Variants in ZNF500 observed in about 807,000 individuals in gnomAD.
ZNF500 encodes the protein zinc finger protein with KRAB and SCAN domains 18.
Under a neutral mutation model 30.1 loss-of-function variants are expected in ZNF500, and 31 were observed. That is an observed-to-expected ratio of 1.03 (90% CI 0.77 to 1.39). The LOEUF (loss-of-function observed/expected upper bound fraction) is 1.39, where lower values mean the gene tolerates loss of function less well. Ranked by LOEUF, ZNF500 falls within the 40% of genes most tolerant of loss-of-function variation. ZNF500 has a pLI of 0.00. For synonymous variants in ZNF500, 392 were observed against 282.0 expected, an observed-to-expected ratio of 1.39 and a Z score of -3.91; for missense variants, 817 against 657.8, an observed-to-expected ratio of 1.24 and a Z score of -2.65.
Position 4,751,737 on chromosome 16 carries a change from G to A in ZNF500, c.*639C>T, listed in dbSNP as rs1248663776. 9 of 1,217,112 alleles carry A rather than the reference G, an allele frequency of 7.4e-6. No individual in the cohort carries two copies. In the South Asian group the frequency reaches 1.2e-4, roughly 16 times the overall value. 75.4% of individuals were successfully genotyped at this position (1,217,112 alleles called of 1,614,324 possible). A position where few individuals can be genotyped will look rare whatever the true frequency, so the allele number is the denominator to read the frequency against. On this transcript the variant is annotated 3_prime_UTR_variant, in exon 6 of 6. Transcript: ENST00000219478. ...TGTATTGGGGGACCCTAAACCCAGT[G>A]AGTGGTGGCCCTACCAAAAAAGAGA...
intron 4 of ZNF500, among the ~76,000 whole-genome samples, chr16:4,761,855 C>G (rs1190669621): frequency 4.1e-5 from 6 of 144,928 alleles, no homozygotes; most frequent in Admixed American, 4.0e-4. Flanking sequence ...GACTTTGGCT[C>G]AAAACAAACA....
downstream of ZNF500, chr16:4,747,257 C>T (rs2082029418): frequency 1.4e-6 from 2 of 1,444,560 alleles, no homozygotes; most frequent in East Asian, 2.3e-5. Flanking sequence ...GAGCTGGGCT[C>T]ATCTGCTTTT....
chr16:4,755,571 C>A (rs1187523398), intron 5 of ZNF500, among the ~76,000 whole-genome samples: 1 of 152,138 alleles, frequency 6.6e-6, no homozygotes, highest in Admixed American at 6.5e-5. Flanking sequence ...ACCGCCTTGG[C>A]CTCCCAAAGT....
downstream of ZNF500, chr16:4,746,993 A>G: frequency 6.5e-7 from 1 of 1,542,390 alleles, no homozygotes. Flanking sequence ...TGGGAGACGC[A>G]GAGGGGGCAT....
chr16:4,755,519 G>A (rs1458328503), intron 5 of ZNF500, among the ~76,000 whole-genome samples: 1 of 151,696 alleles, frequency 6.6e-6, no homozygotes, highest in African/African-American at 2.4e-5. Flanking sequence ...GTTTCACCAT[G>A]TTGGCCAGGC....
downstream of ZNF500, chr16:4,747,639 T>C (rs574712819): frequency 4.4e-6 from 7 of 1,594,584 alleles, no homozygotes; most frequent in Non-Finnish European, 6.0e-6. Flanking sequence ...CCTCAGGTAG[T>C]GGGATCCCAG....
chr16:4,763,770 G>C, intron 2 of ZNF500: 1 of 985,430 alleles, frequency 1.0e-6, no homozygotes. Context: ...AGGCTGGCCG[G>C]CTGGGAAGAA....
intron 4 of ZNF500, 116 bp from the exon 5 acceptor site, chr16:4,760,704 G>C (rs1257633898): frequency 9.4e-6 from 8 of 854,262 alleles, no homozygotes; most frequent in Admixed American, 2.5e-5. Flanking sequence ...CGCCAAGCCT[G>C]GTGGTGCAGC....
chr16:4,747,099 A>C, downstream of ZNF500: 1 of 1,396,988 alleles, frequency 7.2e-7, no homozygotes, highest in Non-Finnish European at 9.6e-7. Flanking sequence ...TCCACCTGGC[A>C]CATTTACCGC....
At chr16:4,745,546 C>G (rs2082004210), downstream of ZNF500, among the ~76,000 whole-genome samples, 1 of 152,218 alleles carries the variant, frequency 6.6e-6, no homozygotes, top group East Asian at 1.9e-4. Flanking sequence ...TATGCCTGCC[C>G]TCCCCACACT....
intron 5 of ZNF500, among the ~76,000 whole-genome samples, chr16:4,756,909 G>A (rs1482366066): frequency 6.6e-6 from 1 of 151,988 alleles, no homozygotes; most frequent in African/African-American, 2.4e-5. Flanking sequence ...CTGAGCCTGG[G>A]GAGGTTGAAG....
chr16:4,762,732 C>T lies in ZNF500; in HGVS notation c.439G>A (p.Glu147Lys), dbSNP rs752327300. The change falls in exon 3 of 6, where the codon GAG becomes AAG. Residue 147 changes from glutamate to lysine, a missense_variant. Coordinates refer to ENST00000219478, the MANE Select transcript of ZNF500 (RefSeq NM_021646.4). ...QRGSELLSDDEVPLGIGGQFL... is the reference protein window; with the variant it reads ...QRGSELLSDDKVPLGIGGQFL... ...TGTCCCCCTATCCCGAGGGGCACCT[C>T]GTCATCAGAAAGCAGCTCTGAGCCC... is the stretch of plus-strand genomic sequence containing the variant. 26 of 1,611,066 alleles carry T rather than the reference C, an allele frequency of 1.6e-5. No homozygotes were observed. The highest frequency in any genetic ancestry group is 7.7e-5 in the South Asian group (7 of 90,696).
At position 4,751,767 on chromosome 16, in the gene ZNF500, G is replaced by A. The variant is rs1596493080; in HGVS notation, c.*609C>T. 2 of 883,598 alleles carry A rather than the reference G, an allele frequency of 2.3e-6. No individual in the cohort carries two copies. Among genetic ancestry groups the A allele is most frequent in the Non-Finnish European group, 1.8e-6 (1 of 562,566 alleles). 54.7% of individuals were successfully genotyped at this position (883,598 alleles called of 1,614,324 possible). A position where few individuals can be genotyped will look rare whatever the true frequency, so the allele number is the denominator to read the frequency against. ...GTGGCCCTACCAAAAAAGAGACTGGGCATGGCGGCACACACCTGTAACCCC... is the reference window on the plus strand; with the variant it reads ...GTGGCCCTACCAAAAAAGAGACTGGACATGGCGGCACACACCTGTAACCCC... On this transcript the variant is annotated 3_prime_UTR_variant, in exon 6 of 6. Transcript: ENST00000219478.
downstream of ZNF500, chr16:4,746,823 TCTTGCATTGGGTCAC>T: frequency 9.1e-7 from 1 of 1,100,646 alleles, no homozygotes; most frequent in Non-Finnish European, 1.3e-6. Flanking sequence ...GCTGCTGACC[TCTTGCATTGGGTCAC>T]CAGCAAAGCC....
Position 4,766,061 on chromosome 16 carries a change from A to G in ZNF500, c.-83T>C. ...TACCTCTGGCCAGACACAGGAAGAGAGTTTTTTTCAGGGCCCTGTGGAGAG... is the reference window on the plus strand; with the variant it reads ...TACCTCTGGCCAGACACAGGAAGAGGGTTTTTTTCAGGGCCCTGTGGAGAG... On this transcript the variant is annotated 5_prime_UTR_variant, in exon 2 of 6. Coordinates refer to ENST00000219478, the MANE Select transcript of ZNF500 (RefSeq NM_021646.4). 6.9e-7 allele frequency: 1 copy of G among 1,455,618 alleles called. No individual in the cohort carries two copies. The highest frequency in any genetic ancestry group is 9.1e-7 in the Non-Finnish European group (1 of 1,099,242). 90.2% of individuals were successfully genotyped at this position (1,455,618 alleles called of 1,614,324 possible). A position where few individuals can be genotyped will look rare whatever the true frequency, so the allele number is the denominator to read the frequency against.
chr16:4,751,395 G>A lies in ZNF500; in HGVS notation c.*981C>T. On this transcript the variant is annotated 3_prime_UTR_variant, in exon 6 of 6. Coordinates refer to ENST00000219478, the MANE Select transcript of ZNF500 (RefSeq NM_021646.4). ...CCCTGGGCCCCGGCCCTGGGGAGAT[G>A]TCAGGCCCGTCACATCCCAGGCAAC... 1.6e-6 allele frequency: 1 copy of A among 606,778 alleles called. No individual in the cohort carries two copies. The highest frequency in any genetic ancestry group is 2.8e-6 in the Non-Finnish European group (1 of 354,700). 37.6% of individuals were successfully genotyped at this position (606,778 alleles called of 1,614,324 possible).
rs894655232 is a variant in ZNF500, at chr16:4,757,547, G to A, written c.760+2945C>T. On this transcript the variant is annotated intron_variant, in intron 5 of 5. Transcript: ENST00000219478. ...ACTCCTGGACTCGAGCAATCCACCC[G>A]CCTTGACCTCTCAAGGTGCTGGGAT... 3.3e-5 allele frequency among the ~76,000 whole-genome samples: 5 copies of A among 152,046 alleles called. No individual in the cohort carries two copies. The South Asian group carries it at 6.2e-4, about 19-fold the overall frequency.
intron 4 of ZNF500, among the ~76,000 whole-genome samples, chr16:4,761,074 G>A (rs1331676000): frequency 6.6e-6 from 1 of 152,146 alleles, no homozygotes; most frequent in Non-Finnish European, 1.5e-5. Context: ...CTTTGTGGTT[G>A]CCAGAGGCTG....
downstream of ZNF500, chr16:4,747,100 C>T: frequency 2.2e-6 from 3 of 1,389,326 alleles, no homozygotes; most frequent in Non-Finnish European, 2.9e-6. Flanking sequence ...CCACCTGGCA[C>T]ATTTACCGCC....
Sources: gnomAD v4.1 joint callset for allele counts (sites outside exome capture counted in the v4.1 genomes callset) on GRCh38, gnomAD v4.1.1 for gene constraint, MANE v1.5 for transcripts, NCBI Gene and HGNC (gene_info 2026-07-23, HGNC 2026-07-21) for gene names.